Variants in ITPR1 observed in about 807,000 individuals in gnomAD.
ITPR1 encodes the protein inositol 1,4,5-trisphosphate-gated calcium channel ITPR1.
A neutral mutation model predicts 318.4 loss-of-function variants in ITPR1; 96 were observed. The observed-to-expected ratio is 0.30, with a 90% CI of 0.26 to 0.36. ITPR1 has a LOEUF of 0.36. ITPR1 is among the 10% of genes least tolerant of loss of function. The pLI, the probability that ITPR1 is intolerant of heterozygous loss-of-function variation, is 1.00. For missense variants in ITPR1, 2,440 were observed against 3,460.2 expected, an observed-to-expected ratio of 0.71 and a Z score of 7.40; for synonymous variants, 1,312 against 1,289.9, an observed-to-expected ratio of 1.02 and a Z score of -0.37.
At chr3:4,523,488 A>G (rs1324978170) in intron 4 of ITPR1, among the ~76,000 whole-genome samples, 1 of 151,926 alleles carries the variant, frequency 6.6e-6, no homozygotes. Flanking sequence ...TATACGGTGT[A>G]TTGTTATTTG....
At chr3:4,643,533 T>A (rs758286705) in intron 7 of ITPR1, among the ~76,000 whole-genome samples, 11 of 152,052 alleles carry the variant, frequency 7.2e-5, no homozygotes, top group Non-Finnish European at 1.5e-4. Flanking sequence ...CTATCCTTTT[T>A]GAAAGTGGGA....
At chr3:4,558,244 A>G (rs538507112) in intron 4 of ITPR1, among the ~76,000 whole-genome samples, 283 of 152,352 alleles carry the variant, frequency 1.9e-3, no homozygotes, top group African/African-American at 6.6e-3. Flanking sequence ...GAAGAAAGTT[A>G]AGGACATACT....
intron 4 of ITPR1, among the ~76,000 whole-genome samples, chr3:4,591,356 G>T (rs1234604676): frequency 1.3e-5 from 2 of 152,088 alleles, no homozygotes; most frequent in Non-Finnish European, 2.9e-5. Flanking sequence ...AGTGTGTAAG[G>T]GTTCCCTTTT....
intron 4 of ITPR1, among the ~76,000 whole-genome samples, chr3:4,528,620 T>C (rs2083169375): frequency 6.6e-6 from 1 of 152,196 alleles, no homozygotes; most frequent in Non-Finnish European, 1.5e-5. Context: ...TTTTGTTTGT[T>C]CTTTTGATTC....
rs56380229 is a variant in ITPR1, at chr3:4,524,301, GTTTTTTTTTTT to G, written c.163+3224_163+3234del. ...CAACTGCGGTGCAGCATACTTTGAC[GTTTTTTTTTTT>G]TTTTTTTTTTTTTTTTAAATGAAGA... On this transcript the variant is annotated intron_variant, in intron 4 of 61. Transcript: ENST00000649015. 1.8e-4 allele frequency among the ~76,000 whole-genome samples: 13 copies of G among 73,488 alleles called. 1 individual carries two copies. The Admixed American group carries it at 2.0e-3, about 11-fold the overall frequency. 48.2% of individuals were successfully genotyped at this position (73,488 alleles called of 152,430 possible).
chr3:4,784,260 G>A (rs1053810771), intron 51 of ITPR1, among the ~76,000 whole-genome samples: 2 of 152,168 alleles, frequency 1.3e-5, no homozygotes, highest in South Asian at 2.1e-4. Context: ...AACCCAGACC[G>A]TAAAGAACAG....
At chr3:4,797,401 AG>A (rs2047969409) in intron 53 of ITPR1, among the ~76,000 whole-genome samples, 1 of 152,160 alleles carries the variant, frequency 6.6e-6, no homozygotes, top group Admixed American at 6.5e-5. Context: ...CCTAAAGGCA[AG>A]ATTTCATAAT....
chr3:4,533,119 G>A (rs562048145), intron 4 of ITPR1, among the ~76,000 whole-genome samples: 2 of 152,316 alleles, frequency 1.3e-5, no homozygotes, highest in African/African-American at 4.8e-5. Flanking sequence ...GAGCACAGAT[G>A]CACTGTAGAC....
At chr3:4,709,993 C>T (rs1376726919) in intron 37 of ITPR1, among the ~76,000 whole-genome samples, 1 of 152,130 alleles carries the variant, frequency 6.6e-6, no homozygotes, top group Non-Finnish European at 1.5e-5. Context: ...CTTTGTTATG[C>T]CCATGTCATA....
At chr3:4,680,719 C>A in intron 25 of ITPR1, 28 bp downstream of exon 25, 2 of 1,586,300 alleles carry the variant, frequency 1.3e-6, no homozygotes, top group South Asian at 1.1e-5. Context: ...GAATTTCAGC[C>A]ATAGAATGGG....
intron 4 of ITPR1, among the ~76,000 whole-genome samples, chr3:4,554,957 G>A (rs150732998): frequency 1.3e-5 from 2 of 152,330 alleles, no homozygotes; most frequent in African/African-American, 4.8e-5. Flanking sequence ...CAGCATTCAT[G>A]TGTGGGGAAT....
intron 6 of ITPR1, among the ~76,000 whole-genome samples, chr3:4,640,852 G>A (rs558971316): frequency 4.6e-5 from 7 of 152,270 alleles, no homozygotes; most frequent in South Asian, 2.1e-4. Flanking sequence ...GGTAACTTTC[G>A]TTTATAAACA....
At chr3:4,684,208 G>T (rs995526528) in intron 28 of ITPR1, 73 bp from the exon 29 acceptor site, 5 of 946,338 alleles carry the variant, frequency 5.3e-6, no homozygotes, top group Non-Finnish European at 8.5e-6. Flanking sequence ...CCTAAAGGTC[G>T]ATGCTAACTG....
At chr3:4,508,755 C>G (rs2081580480) in intron 2 of ITPR1, among the ~76,000 whole-genome samples, 1 of 152,124 alleles carries the variant, frequency 6.6e-6, no homozygotes, top group African/African-American at 2.4e-5. Flanking sequence ...TCCACCACCC[C>G]CACTGCCAGC....
chr3:4,681,493 T>A lies in ITPR1; in HGVS notation c.3161+75T>A, dbSNP rs1215461508. 5.0e-6 allele frequency: 5 copies of A among 994,664 alleles called. No individual in the cohort carries two copies. The Admixed American group carries it at 5.4e-5, about 11-fold the overall frequency. 61.6% of individuals were successfully genotyped at this position (994,664 alleles called of 1,614,324 possible). The stretch of plus-strand genomic sequence containing the variant: ...GCTCTCAGAGGCCTTCCCTTTATTA[T>A]GTTAGTAAATATTTAGTCTCTGGGC... On this transcript the variant is annotated intron_variant, in intron 26 of 61. Coordinates refer to ENST00000649015, the MANE Select transcript of ITPR1 (RefSeq NM_001378452.1).
intron 4 of ITPR1, among the ~76,000 whole-genome samples, chr3:4,531,410 C>T (rs1247286355): frequency 1.3e-5 from 2 of 152,184 alleles, no homozygotes; most frequent in African/African-American, 4.8e-5. Context: ...CCACCTTTGC[C>T]TCCTTTGTGT....
At position 4,800,089 on chromosome 3, in the gene ITPR1, G is replaced by A; in HGVS notation, c.6932-336G>A. ...AAATAGTGTCCTGTAGGGATGACTG[G>A]AAGCAGGGAGTACGGAGGAGGAGGG... On this transcript the variant is annotated intron_variant, in intron 53 of 61. Coordinates refer to ENST00000649015, the MANE Select transcript of ITPR1 (RefSeq NM_001378452.1). 3 of 318,290 alleles carry A rather than the reference G, an allele frequency of 9.4e-6. No individual in the cohort carries two copies. The East Asian group carries it at 2.6e-4, about 28-fold the overall frequency. The allele number at this position is 318,290 out of a possible 1,614,324, so 19.7% of individuals were successfully genotyped here. A position where few individuals can be genotyped will look rare whatever the true frequency, so the allele number is the denominator to read the frequency against.
At chr3:4,672,053 G>C (rs939444073) in intron 20 of ITPR1, among the ~76,000 whole-genome samples, 2 of 152,154 alleles carry the variant, frequency 1.3e-5, no homozygotes, top group Non-Finnish European at 2.9e-5. Flanking sequence ...ATGATATTCT[G>C]TTTTATTGAT....
intron 4 of ITPR1, among the ~76,000 whole-genome samples, chr3:4,540,201 A>G (rs912894802): frequency 6.6e-6 from 1 of 152,232 alleles, no homozygotes; most frequent in Admixed American, 6.5e-5. Context: ...TACAATTATT[A>G]TTACTTTCTG....
Sources: gnomAD v4.1 joint callset for allele counts (sites outside exome capture counted in the v4.1 genomes callset) on GRCh38, gnomAD v4.1.1 for gene constraint, MANE v1.5 for transcripts, NCBI Gene and HGNC (gene_info 2026-07-23, HGNC 2026-07-21) for gene names.